MITF: variants seen among roughly 807,000 people sequenced by gnomAD.
The protein encoded by MITF is melanocyte inducing transcription factor, also known as microphthalmia-associated transcription factor.
In MITF, 17 loss-of-function variants were observed where a neutral mutation model predicts 60.5. The observed-to-expected ratio is 0.28, with a 90% CI of 0.19 to 0.42. The LOEUF (loss-of-function observed/expected upper bound fraction) is 0.42, where lower values mean the gene tolerates loss of function less well. MITF is among the 10% of genes least tolerant of loss of function. MITF has a pLI of 1.00. For missense variants in MITF, 622 were observed against 683.5 expected, an observed-to-expected ratio of 0.91 and a Z score of 1.00; for synonymous variants, 260 against 248.5, an observed-to-expected ratio of 1.05 and a Z score of -0.43.
At chr3:69,910,558 C>G (rs2065202361) in intron 2 of MITF, among the ~76,000 whole-genome samples, 1 of 152,208 alleles carries the variant, frequency 6.6e-6, no homozygotes, top group Non-Finnish European at 1.5e-5. Context: ...AGGCTCTACC[C>G]TGCAAAGCCA....
chr3:69,908,984 C>T (rs143756703), intron 2 of MITF, among the ~76,000 whole-genome samples: 31 of 152,152 alleles, frequency 2.0e-4, no homozygotes, highest in African/African-American at 7.0e-4. Flanking sequence ...ATTTCCTTTA[C>T]CAGCTGCTAA....
At chr3:69,743,967 T>A (rs1395117914) in intron 1 of MITF, among the ~76,000 whole-genome samples, 2 of 152,376 alleles carry the variant, frequency 1.3e-5, no homozygotes, top group Non-Finnish European at 2.9e-5. Context: ...GTTGGCTTAG[T>A]TTAATTCCAA....
chr3:69,808,049 T>C (rs2063038707), intron 1 of MITF, among the ~76,000 whole-genome samples: 1 of 148,568 alleles, frequency 6.7e-6, no homozygotes, highest in Admixed American at 6.7e-5. Context: ...GCTCAGAAAA[T>C]GGCAAAAGAA....
chr3:69,883,472 G>A (rs1482221470), intron 2 of MITF, among the ~76,000 whole-genome samples: 2 of 152,104 alleles, frequency 1.3e-5, no homozygotes, highest in African/African-American at 4.8e-5. Context: ...TGAACTACTG[G>A]TCTTTCTCTG....
Position 69,802,879 on chromosome 3 carries a change from C to T in MITF, c.104+63178C>T, listed in dbSNP as rs138721459. Among the ~76,000 whole-genome samples the T allele has an allele frequency of 1.9e-3, 281 of 150,726 alleles. 8 individuals are homozygous for T. In the East Asian group the frequency reaches 0.036, roughly 19 times the overall value. ...GCTAATTTTGTATTTTTAGTAGAGA[C>T]GGAGTTTCTCCCCTCAGCCTCCCTA... On this transcript the variant is annotated intron_variant, in intron 1 of 9. Coordinates refer to ENST00000352241, the MANE Select transcript of MITF (RefSeq NM_001354604.2).
intron 9 of MITF, among the ~76,000 whole-genome samples, chr3:69,961,095 C>A (rs1215472753): frequency 6.6e-6 from 1 of 152,184 alleles, no homozygotes; most frequent in Non-Finnish European, 1.5e-5. Flanking sequence ...TTTATAAAAG[C>A]AGCTTGTGGG....
chr3:69,826,818 C>T (rs959932246), intron 1 of MITF, among the ~76,000 whole-genome samples: 1 of 152,214 alleles, frequency 6.6e-6, no homozygotes, highest in South Asian at 2.1e-4. Context: ...AGCAAAGTAT[C>T]AGCCAAGCTT....
chr3:69,792,657 G>A (rs1459260805), intron 1 of MITF, among the ~76,000 whole-genome samples: 10 of 152,024 alleles, frequency 6.6e-5, no homozygotes, highest in Non-Finnish European at 1.5e-4. Flanking sequence ...ACTCGTTCTG[G>A]GTACAGAATC....
chr3:69,798,695 C>T (rs1470188449), intron 1 of MITF, among the ~76,000 whole-genome samples: 1 of 152,236 alleles, frequency 6.6e-6, no homozygotes, highest in Non-Finnish European at 1.5e-5. Context: ...TGCCAACCTC[C>T]CTGGTCTCCC....
chr3:69,845,185 A>G (rs1446321609), intron 1 of MITF, among the ~76,000 whole-genome samples: 4 of 151,922 alleles, frequency 2.6e-5, no homozygotes, highest in African/African-American at 4.8e-5. Context: ...TCATTGGTTC[A>G]TCTTGGGATG....
At chr3:69,752,833 T>C in intron 1 of MITF, among the ~76,000 whole-genome samples, 1 of 152,176 alleles carries the variant, frequency 6.6e-6, no homozygotes, top group East Asian at 1.9e-4. Context: ...CTTGTCATTC[T>C]CTCTTGCTGC....
intron 7 of MITF, among the ~76,000 whole-genome samples, chr3:69,952,971 T>C (rs2066293456): frequency 6.6e-6 from 1 of 152,202 alleles, no homozygotes; most frequent in Non-Finnish European, 1.5e-5. Flanking sequence ...TTTCCTATCA[T>C]AAGCAATGCC....
chr3:69,950,148 G>A (rs1015379181), intron 6 of MITF, among the ~76,000 whole-genome samples: 2 of 151,800 alleles, frequency 1.3e-5, no homozygotes, highest in Admixed American at 6.6e-5. Flanking sequence ...AAGAATCGTC[G>A]GGCAGGCACA....
chr3:69,830,894 C>T (rs543827474), intron 1 of MITF, among the ~76,000 whole-genome samples: 1 of 152,254 alleles, frequency 6.6e-6, no homozygotes, highest in Non-Finnish European at 1.5e-5. Flanking sequence ...TTTCAGATTA[C>T]AAATATTCCC....
At chr3:69,859,411 A>G (rs1022524343) in intron 1 of MITF, among the ~76,000 whole-genome samples, 12 of 152,176 alleles carry the variant, frequency 7.9e-5, no homozygotes, top group Non-Finnish European at 1.8e-4. Flanking sequence ...TAAAATCTAG[A>G]TGGCAGAATA....
chr3:69,833,290 TTGTA>T (rs541630903), intron 1 of MITF, among the ~76,000 whole-genome samples: 97 of 151,974 alleles, frequency 6.4e-4, no homozygotes, highest in Admixed American at 1.5e-3. Context: ...TCTGTTTACA[TTGTA>T]TGTGGTTGTT....
chr3:69,877,837 A>T (rs187342586), intron 1 of MITF, among the ~76,000 whole-genome samples: 71 of 152,344 alleles, frequency 4.7e-4, no homozygotes, highest in African/African-American at 1.6e-3. Context: ...CAGAGTTTAT[A>T]TTCAAGGAAG....
intron 1 of MITF, among the ~76,000 whole-genome samples, chr3:69,815,625 C>T (rs2063169470): frequency 6.6e-6 from 1 of 152,072 alleles, no homozygotes; most frequent in South Asian, 2.1e-4. Flanking sequence ...ATTGGTAAGC[C>T]TTCTGATCAA....
chr3:69,934,948 C>T (rs980720917), intron 2 of MITF, among the ~76,000 whole-genome samples: 2 of 152,116 alleles, frequency 1.3e-5, no homozygotes, highest in Non-Finnish European at 2.9e-5. Flanking sequence ...TTTGGATTGC[C>T]AGCTACCCTT....
Sources: gnomAD v4.1 joint callset for allele counts (sites outside exome capture counted in the v4.1 genomes callset) on GRCh38, gnomAD v4.1.1 for gene constraint, MANE v1.5 for transcripts, NCBI Gene and HGNC (gene_info 2026-07-23, HGNC 2026-07-21) for gene names.